The following CRB1 variants were observed in gnomAD, a reference collection of about 807,000 sequenced individuals.
The protein encoded by CRB1 is protein crumbs homolog 1.
A neutral mutation model predicts 120.0 loss-of-function variants in CRB1; 83 were observed. The ratio of observed to expected loss-of-function variants is 0.69; its 90% CI spans 0.58 to 0.83. The LOEUF is 0.83. Ranked by LOEUF, CRB1 falls within the 40% of genes least tolerant of loss-of-function variation. CRB1 has a pLI of 0.00. For synonymous variants in CRB1, 625 were observed against 612.5 expected, an observed-to-expected ratio of 1.02 and a Z score of -0.30; for missense variants, 1,699 against 1,687.6, an observed-to-expected ratio of 1.01 and a Z score of -0.12.
intron 1 of CRB1, among the ~76,000 whole-genome samples, chr1:197,310,651 A>T (rs1657460902): frequency 6.6e-6 from 1 of 152,200 alleles, no homozygotes; most frequent in African/African-American, 2.4e-5. Flanking sequence ...ATATAGATAT[A>T]GATATAGAAA....
At chr1:197,342,569 T>A (rs7518091) in intron 2 of CRB1, among the ~76,000 whole-genome samples, 107 of 152,344 alleles carry the variant, frequency 7.0e-4, no homozygotes, top group African/African-American at 2.2e-3. Context: ...TTGATTTTTT[T>A]AAATGGTATT....
At chr1:197,296,232 C>T (rs1345360204) in intron 1 of CRB1, among the ~76,000 whole-genome samples, 1 of 152,040 alleles carries the variant, frequency 6.6e-6, no homozygotes, top group Non-Finnish European at 1.5e-5. Context: ...GACTGCAGGC[C>T]TTGAATTCTA....
chr1:197,268,392 G>C lies in CRB1; in HGVS notation c.-21G>C, dbSNP rs372086239. On this transcript the variant is annotated 5_prime_UTR_variant, in exon 1 of 12. Coordinates refer to ENST00000367400, the MANE Select transcript of CRB1 (RefSeq NM_201253.3). ...ACCAGACCACCAGCAACACACCAGAGGATGTTCTCTAAATAAGACCATGGC... is the reference window on the plus strand; with the variant it reads ...ACCAGACCACCAGCAACACACCAGACGATGTTCTCTAAATAAGACCATGGC... 4 of 1,577,820 alleles carry C rather than the reference G, an allele frequency of 2.5e-6. No individual in the cohort carries two copies. The highest frequency in any genetic ancestry group is 1.3e-5 in the African/African-American group (1 of 74,142).
intron 2 of CRB1, among the ~76,000 whole-genome samples, chr1:197,340,125 A>C (rs556514023): frequency 6.6e-6 from 1 of 152,216 alleles, no homozygotes; most frequent in Non-Finnish European, 1.5e-5. Flanking sequence ...ATAGACATTT[A>C]TATTAAGGGG....
At chr1:197,445,688 G>A (rs1665667423) in intron 11 of CRB1, among the ~76,000 whole-genome samples, 1 of 152,144 alleles carries the variant, frequency 6.6e-6, no homozygotes, top group South Asian at 2.1e-4. Flanking sequence ...TTTGAGTTTA[G>A]TGAGTTAGGC....
intron 8 of CRB1, among the ~76,000 whole-genome samples, chr1:197,434,021 A>G (rs909133905): frequency 1.3e-5 from 2 of 152,192 alleles, no homozygotes; most frequent in African/African-American, 4.8e-5. Flanking sequence ...GAATGGGGAA[A>G]AAAGTTTTTA....
chr1:197,462,895 T>TC (rs1439039354), intron 11 of CRB1, among the ~76,000 whole-genome samples: 6 of 151,346 alleles, frequency 4.0e-5, no homozygotes, highest in Middle Eastern at 3.2e-3. Context: ...GATCTTTTTT[T>TC]TTTTTCTTCA....
chr1:197,470,745 T>C (rs986034345), intron 11 of CRB1, among the ~76,000 whole-genome samples: 4 of 152,250 alleles, frequency 2.6e-5, no homozygotes, highest in African/African-American at 9.6e-5. Flanking sequence ...TTGATACTTA[T>C]TTTTACAGAT....
chr1:197,215,499 A>T, the CRB1 span, among the ~76,000 whole-genome samples: 1 of 151,564 alleles, frequency 6.6e-6, no homozygotes, highest in Non-Finnish European at 1.5e-5. Context: ...CTGGTCTCGA[A>T]CTCCCAACCT....
At chr1:197,391,791 A>C (rs555408746) in intron 5 of CRB1, among the ~76,000 whole-genome samples, 1 of 152,198 alleles carries the variant, frequency 6.6e-6, no homozygotes, top group African/African-American at 2.4e-5. Flanking sequence ...TGAAGGAAAA[A>C]ATAAGAATTC....
chr1:197,356,103 C>T (rs903896668), intron 4 of CRB1, among the ~76,000 whole-genome samples: 6 of 152,336 alleles, frequency 3.9e-5, no homozygotes, highest in African/African-American at 1.4e-4. Flanking sequence ...ATATTACTAA[C>T]ATGGCTAGAC....
chr1:197,229,560 A>G, the CRB1 span, among the ~76,000 whole-genome samples: 1 of 152,178 alleles, frequency 6.6e-6, no homozygotes, highest in Non-Finnish European at 1.5e-5. Flanking sequence ...TCACCCAGGT[A>G]GTGAGCATAG....
chr1:197,308,505 T>C (rs1657308143), intron 1 of CRB1, among the ~76,000 whole-genome samples: 1 of 152,224 alleles, frequency 6.6e-6, no homozygotes, highest in African/African-American at 2.4e-5. Context: ...AAGATTATTA[T>C]GAAGATTAAA....
the CRB1 span, among the ~76,000 whole-genome samples, chr1:197,213,701 A>G: frequency 6.6e-6 from 1 of 152,206 alleles, no homozygotes; most frequent in Non-Finnish European, 1.5e-5. Context: ...CTGAAATGGT[A>G]TGAAGCTAGA....
intron 1 of CRB1, among the ~76,000 whole-genome samples, chr1:197,271,411 C>T (rs1481186875): frequency 6.6e-6 from 1 of 152,140 alleles, no homozygotes; most frequent in Non-Finnish European, 1.5e-5. Context: ...CCTTTATGTC[C>T]TTCCAGTTGA....
At chr1:197,438,749 T>C (rs887017332) in intron 10 of CRB1, 74 bp downstream of exon 10, 6 of 1,572,844 alleles carry the variant, frequency 3.8e-6, no homozygotes, top group Non-Finnish European at 5.2e-6. Context: ...GTTCATTTTC[T>C]CCTCTAATTT....
the CRB1 span, among the ~76,000 whole-genome samples, chr1:197,238,121 A>G: frequency 1.4e-3 from 214 of 152,296 alleles, no homozygotes; most frequent in African/African-American, 4.8e-3. Flanking sequence ...ATTTAGAAGC[A>G]TGTTTTTGAA....
the CRB1 span, among the ~76,000 whole-genome samples, chr1:197,261,445 A>C: frequency 1.3e-5 from 2 of 152,262 alleles, no homozygotes; most frequent in Non-Finnish European, 2.9e-5. Context: ...TTAAATGCCA[A>C]AATCTTCAAG....
At chr1:197,279,743 A>G (rs1487401172) in intron 1 of CRB1, among the ~76,000 whole-genome samples, 1 of 151,694 alleles carries the variant, frequency 6.6e-6, no homozygotes, top group African/African-American at 2.4e-5. Flanking sequence ...GTCCATGTAG[A>G]GGGACTCAAT....
Sources: gnomAD v4.1 joint callset for allele counts (sites outside exome capture counted in the v4.1 genomes callset) on GRCh38, gnomAD v4.1.1 for gene constraint, MANE v1.5 for transcripts, NCBI Gene and HGNC (gene_info 2026-07-23, HGNC 2026-07-21) for gene names.